The following ROBO2 variants were observed in gnomAD, a reference collection of about 807,000 sequenced individuals.
ROBO2 encodes roundabout homolog 2.
In ROBO2, 53 loss-of-function variants were observed where a neutral mutation model predicts 160.8. The observed-to-expected ratio is 0.33, with a 90% confidence interval of 0.26 to 0.41. ROBO2 has a LOEUF of 0.41. Among genes scored for constraint, ROBO2 ranks in the 10% least tolerant of loss-of-function variants. ROBO2 has a pLI of 1.00. For missense variants in ROBO2, 1,577 were observed against 1,722.4 expected (o/e 0.92, Z 1.49); for synonymous variants, 664 against 611.7 (o/e 1.09, Z -1.26).
chr3:77,429,152 A>G (rs187278086), intron 2 of ROBO2, among the ~76,000 whole-genome samples: 83 of 152,326 alleles, frequency 5.4e-4, no homozygotes, highest in African/African-American at 1.9e-3. Context: ...ATTTATATCC[A>G]AAGTGTGCAT....
chr3:75,997,838 A>G (rs113954906), intron 2 of ROBO2, among the ~76,000 whole-genome samples: 4,595 of 152,084 alleles, frequency 0.03, 223 homozygotes, highest in African/African-American at 0.097. Flanking sequence ...AGATATGAAC[A>G]TTTTTCTAAT....
chr3:76,434,488 T>C, intron 2 of ROBO2: 1 of 1,557,936 alleles, frequency 6.4e-7, no homozygotes, highest in Non-Finnish European at 8.8e-7. Context: ...CCATGTTTTA[T>C]ACAAACCGAG....
At chr3:76,736,374 T>C (rs2093714614) in intron 2 of ROBO2, among the ~76,000 whole-genome samples, 1 of 152,056 alleles carries the variant, frequency 6.6e-6, no homozygotes. Context: ...TACAATTTAG[T>C]GTTGTCCTAG....
intron 2 of ROBO2, among the ~76,000 whole-genome samples, chr3:76,611,559 C>T (rs969106366): frequency 5.9e-5 from 9 of 151,914 alleles, no homozygotes; most frequent in African/African-American, 1.2e-4. Flanking sequence ...ATTGGCATAC[C>T]GCTGCTCATA....
chr3:76,335,537 A>G (rs1425442104), intron 2 of ROBO2, among the ~76,000 whole-genome samples: 1 of 150,910 alleles, frequency 6.6e-6, no homozygotes, highest in Non-Finnish European at 1.5e-5. Flanking sequence ...GCTGGTTTTC[A>G]TTTTAATTAT....
intron 2 of ROBO2, among the ~76,000 whole-genome samples, chr3:76,990,826 A>G (rs1393994285): frequency 2.0e-5 from 3 of 152,084 alleles, no homozygotes; most frequent in Non-Finnish European, 2.9e-5. Flanking sequence ...CTGGTATGTG[A>G]CCTTCTAGGG....
chr3:76,331,667 G>C (rs181049019), intron 2 of ROBO2, among the ~76,000 whole-genome samples: 2 of 149,956 alleles, frequency 1.3e-5, no homozygotes, highest in East Asian at 3.9e-4. Context: ...ATTTGTTATT[G>C]TTCTATTTTA....
chr3:76,400,385 A>T (rs1473083008), intron 2 of ROBO2, among the ~76,000 whole-genome samples: 1 of 151,632 alleles, frequency 6.6e-6, no homozygotes, highest in African/African-American at 2.4e-5. Context: ...CTAGATACCA[A>T]AGTTATCTTT....
At chr3:76,833,622 T>C (rs2067271747) in intron 2 of ROBO2, among the ~76,000 whole-genome samples, 1 of 152,210 alleles carries the variant, frequency 6.6e-6, no homozygotes, top group African/African-American at 2.4e-5. Context: ...ACATAGAATG[T>C]TGTTATCTGT....
intron 2 of ROBO2, among the ~76,000 whole-genome samples, chr3:76,712,450 G>A (rs148499156): frequency 0.045 from 6,790 of 152,102 alleles, 260 homozygotes; most frequent in Middle Eastern, 0.14. Flanking sequence ...CGAGGTGGGC[G>A]GATCACCTGA....
chr3:76,341,864 A>G (rs2074249337), intron 2 of ROBO2, among the ~76,000 whole-genome samples: 1 of 152,186 alleles, frequency 6.6e-6, no homozygotes, highest in African/African-American at 2.4e-5. Flanking sequence ...TATTTTCTGA[A>G]TGAATCTTTC....
chr3:76,579,839 T>C (rs1560182287), intron 2 of ROBO2, among the ~76,000 whole-genome samples: 1 of 151,244 alleles, frequency 6.6e-6, no homozygotes, highest in Non-Finnish European at 1.5e-5. Context: ...GTCTGTTCTC[T>C]AAGATAGAAA....
chr3:76,834,828 G>A (rs908098737), intron 2 of ROBO2, among the ~76,000 whole-genome samples: 1 of 152,034 alleles, frequency 6.6e-6, no homozygotes, highest in Non-Finnish European at 1.5e-5. Context: ...CATTTCATTG[G>A]CCAAAGCATT....
intron 2 of ROBO2, among the ~76,000 whole-genome samples, chr3:76,135,335 T>C (rs1318944989): frequency 6.6e-6 from 1 of 152,084 alleles, no homozygotes; most frequent in East Asian, 1.9e-4. Context: ...TGAGGAAACC[T>C]AGGCTGAAAA....
intron 2 of ROBO2, among the ~76,000 whole-genome samples, chr3:75,946,447 C>T (rs1402989999): frequency 1.3e-5 from 2 of 151,960 alleles, no homozygotes; most frequent in African/African-American, 4.8e-5. Context: ...AGGAAGAAGA[C>T]ATACAAATAC....
At chr3:76,952,562 G>T (rs936398131) in intron 2 of ROBO2, among the ~76,000 whole-genome samples, 2 of 152,134 alleles carry the variant, frequency 1.3e-5, no homozygotes, top group Admixed American at 1.3e-4. Context: ...GATTACAGGC[G>T]TGAGCCACTG....
At chr3:76,012,475 T>C (rs564140257) in intron 2 of ROBO2, among the ~76,000 whole-genome samples, 35 of 152,222 alleles carry the variant, frequency 2.3e-4, no homozygotes, top group Non-Finnish European at 4.8e-4. Context: ...TTCAATTTCC[T>C]TTTCAAGTTG....
intron 2 of ROBO2, among the ~76,000 whole-genome samples, chr3:76,737,972 A>C (rs2093741465): frequency 6.6e-6 from 1 of 151,954 alleles, no homozygotes; most frequent in Non-Finnish European, 1.5e-5. Context: ...ACCTCTACAA[A>C]AAAATACAAA....
chr3:77,209,067 A>G (rs1012589445), intron 2 of ROBO2, among the ~76,000 whole-genome samples: 1 of 152,200 alleles, frequency 6.6e-6, no homozygotes, highest in Non-Finnish European at 1.5e-5. Context: ...TTTGAAAAGC[A>G]GGCACGATCT....
Sources: allele counts gnomAD v4.1 joint callset (sites outside exome capture counted in the v4.1 genomes callset), GRCh38; gene constraint gnomAD v4.1.1; transcripts MANE v1.5; gene names NCBI Gene and HGNC (gene_info 2026-07-23, HGNC 2026-07-21).